Variants in UPRT observed in about 807,000 individuals in gnomAD.
UPRT encodes the protein uracil phosphoribosyltransferase homolog, also known as RP11-311P8.3.
Under a neutral mutation model 22.6 loss-of-function variants are expected in UPRT, and 5 were observed. That is an observed-to-expected ratio of 0.22 (90% CI 0.12 to 0.47). The LOEUF (loss-of-function observed/expected upper bound fraction) is 0.47. Among genes scored for constraint, UPRT ranks in the 20% least tolerant of loss-of-function variants. The pLI is 0.99. For missense variants in UPRT, 181 were observed against 239.9 expected (o/e 0.75, Z 1.62); for synonymous variants, 77 against 87.7 (o/e 0.88, Z 0.68).
chrX:75,282,245 TTG>T (rs2082660842), intron 1 of UPRT, among the ~76,000 whole-genome samples: 1 of 110,999 alleles, frequency 9.0e-6, no homozygotes, highest in Non-Finnish European at 1.9e-5. Flanking sequence ...ATTTTTTTTT[TTG>T]CTTCAATTTC....
intron 4 of UPRT, among the ~76,000 whole-genome samples, chrX:75,268,527 A>G (rs1214733716): frequency 1.8e-5 from 2 of 111,498 alleles, no homozygotes; most frequent in African/African-American, 6.5e-5. Context: ...CTAGCAAACC[A>G]AATCCAGCAG....
intron 4 of UPRT, among the ~76,000 whole-genome samples, chrX:75,254,109 A>C (rs1384733946): frequency 2.7e-5 from 3 of 111,603 alleles, no homozygotes; most frequent in Non-Finnish European, 5.6e-5. Context: ...GGACTCCACA[A>C]GTAGGGGAAA....
chrX:75,158,832 G>T (rs1192643639), intron 1 of UPRT, among the ~76,000 whole-genome samples: 1 of 110,845 alleles, frequency 9.0e-6, no homozygotes, highest in African/African-American at 3.3e-5. Flanking sequence ...CTTTCCAAGA[G>T]AACCTTATCT....
At chrX:75,250,464 A>G (rs935161205) in intron 4 of UPRT, among the ~76,000 whole-genome samples, 5 of 112,067 alleles carry the variant, frequency 4.5e-5, no homozygotes, top group African/African-American at 1.6e-4. Context: ...AATCTAGAAG[A>G]AATGGATAAA....
chrX:75,262,719 T>C (rs948793084), intron 4 of UPRT, among the ~76,000 whole-genome samples: 2 of 111,842 alleles, frequency 1.8e-5, no homozygotes, highest in Admixed American at 9.6e-5. Context: ...GGGCATTACA[T>C]AATGGTAAAG....
At chrX:75,237,788 G>C (rs2082473253) in intron 4 of UPRT, among the ~76,000 whole-genome samples, 1 of 84,312 alleles carries the variant, frequency 1.2e-5, no homozygotes, top group African/African-American at 4.5e-5. Flanking sequence ...TCACACTCTG[G>C]GGACTGTTGT....
At chrX:75,231,166 C>A (rs778883115) in intron 4 of UPRT, among the ~76,000 whole-genome samples, 1 of 111,177 alleles carries the variant, frequency 9.0e-6, no homozygotes, top group African/African-American at 3.3e-5. Flanking sequence ...GGGCACCAGA[C>A]AAAGGTGAAA....
chrX:75,215,117 CT>C (rs1016370550), intron 4 of UPRT, among the ~76,000 whole-genome samples: 8 of 110,793 alleles, frequency 7.2e-5, no homozygotes, highest in African/African-American at 9.9e-5. Context: ...AAGAAGATAT[CT>C]TTTTTTTAGA....
intron 1 of UPRT, among the ~76,000 whole-genome samples, chrX:75,292,175 T>C (rs781617067): frequency 8.9e-6 from 1 of 111,934 alleles, no homozygotes; most frequent in African/African-American, 3.2e-5. Flanking sequence ...AGTATAGACC[T>C]AGCAAACAGA....
At chrX:75,270,353 C>T (rs779808071), upstream of UPRT, among the ~76,000 whole-genome samples, 3 of 111,574 alleles carry the variant, frequency 2.7e-5, no homozygotes, top group South Asian at 3.8e-4. Flanking sequence ...GTGGGGATTC[C>T]TTAAGGATCT....
At chrX:75,290,062 G>A (rs1361739684) in intron 1 of UPRT, among the ~76,000 whole-genome samples, 2 of 112,061 alleles carry the variant, frequency 1.8e-5, no homozygotes, top group African/African-American at 3.2e-5. Context: ...TCTGACAAAG[G>A]TGTAATATCC....
At chrX:75,226,158 G>A (rs2082423462) in intron 4 of UPRT, among the ~76,000 whole-genome samples, 1 of 110,833 alleles carries the variant, frequency 9.0e-6, no homozygotes, top group Non-Finnish European at 1.9e-5. Flanking sequence ...CAATCTACCA[G>A]CAAAATTTAA....
chrX:75,256,413 A>G lies in UPRT; in HGVS notation c.-446-34611A>G, dbSNP rs746628735. On this transcript the variant is annotated intron_variant, in intron 4 of 13. Transcript: ENST00000652605. ...CATAAACACCTACATCAGAAAGACT[A>G]AAAGAGCACAAACAGACAATCTAAG... Among the ~76,000 whole-genome samples the G allele has an allele frequency of 2.7e-5, 3 of 111,507 alleles. No homozygotes were observed. The South Asian group carries it at 1.1e-3, about 42-fold the overall frequency.
At chrX:75,249,255 C>G (rs192211711) in intron 4 of UPRT, among the ~76,000 whole-genome samples, 2 of 111,745 alleles carry the variant, frequency 1.8e-5, no homozygotes, top group African/African-American at 6.5e-5. Context: ...TTAAAATGTA[C>G]AGACTGGCAA....
exon 1 of UPRT, chrX:75,156,445 A>C: frequency 1.9e-6 from 1 of 540,029 alleles, no homozygotes; most frequent in Non-Finnish European, 3.1e-6. Flanking sequence ...GTTTTTCCTT[A>C]GGGCCGAGCT....
chrX:75,224,533 G>A, intron 4 of UPRT, among the ~76,000 whole-genome samples: 1 of 110,739 alleles, frequency 9.0e-6, no homozygotes, highest in South Asian at 3.9e-4. Flanking sequence ...GTATTCCACA[G>A]TTACCTTGGA....
chrX:75,214,568 G>C, intron 4 of UPRT, among the ~76,000 whole-genome samples: 1 of 112,154 alleles, frequency 8.9e-6, no homozygotes, highest in South Asian at 3.7e-4. Context: ...AAGTCCTAGG[G>C]ATATATTGTA....
chrX:75,213,006 T>A (rs9887060), intron 4 of UPRT, among the ~76,000 whole-genome samples: 3,599 of 112,390 alleles, frequency 0.032, 147 homozygotes, highest in African/African-American at 0.11. Context: ...AATATAGACA[T>A]TGCGGAATTT....
chrX:75,266,530 G>T (rs182180406), intron 4 of UPRT, among the ~76,000 whole-genome samples: 23 of 111,480 alleles, frequency 2.1e-4, no homozygotes, highest in Non-Finnish European at 4.3e-4. Context: ...ATAGGCATTG[G>T]CAAGTACTTC....
Sources: allele counts gnomAD v4.1 joint callset (sites outside exome capture counted in the v4.1 genomes callset), GRCh38; gene constraint gnomAD v4.1.1; transcripts MANE v1.5; gene names NCBI Gene and HGNC (gene_info 2026-07-23, HGNC 2026-07-21).